Variants in MTR observed in about 807,000 individuals in gnomAD.
MTR encodes methionine synthase.
In MTR, 84 loss-of-function variants were observed where a neutral mutation model predicts 154.8. That is an observed-to-expected ratio of 0.54 (90% confidence interval 0.45 to 0.65). MTR has a LOEUF of 0.65. MTR is among the 30% of genes least tolerant of loss of function. The probability of loss-of-function intolerance (pLI) is 0.00; values close to 1 mark genes in which losing one functional copy is unlikely to be tolerated. For missense variants in MTR, 1,275 were observed against 1,570.2 expected (o/e 0.81, Z 3.18); for synonymous variants, 554 against 553.9 (o/e 1.00, Z 0.00).
chr1:236,874,715 A>AG lies in MTR; in HGVS notation c.2474-11_2474-10insG. ...TTTTTGTCCTTTTTTTTTTAAAAAA[A>AG]AAAAAAATAGATATAATTGGCCTGT... On this transcript the variant is annotated splice_polypyrimidine_tract_variant and intron_variant, in intron 23 of 32. Transcript: ENST00000366577. 6.4e-7 allele frequency: 1 copy of AG among 1,559,046 alleles called. No homozygotes were observed. Among genetic ancestry groups the AG allele is most frequent in the Non-Finnish European group, 8.7e-7 (1 of 1,156,020 alleles).
At chr1:236,835,179 C>T (rs1558297094) in intron 13 of MTR, among the ~76,000 whole-genome samples, 1 of 151,854 alleles carries the variant, frequency 6.6e-6, no homozygotes, top group Non-Finnish European at 1.5e-5. Flanking sequence ...ACGTGATCTG[C>T]AGCACAGAGG....
At chr1:236,797,872 C>T (rs906939731) in intron 1 of MTR, among the ~76,000 whole-genome samples, 11 of 151,162 alleles carry the variant, frequency 7.3e-5, no homozygotes, top group Non-Finnish European at 8.8e-5. Flanking sequence ...GCAGGAGAAT[C>T]GCTTGAACCC....
intron 15 of MTR, among the ~76,000 whole-genome samples, chr1:236,841,168 C>A (rs1663211022): frequency 6.6e-6 from 1 of 152,164 alleles, no homozygotes; most frequent in South Asian, 2.1e-4. Flanking sequence ...TTATTGACTT[C>A]CTACAGTGAT....
chr1:236,889,437 C>T (rs1666197648), intron 28 of MTR, 101 bp downstream of exon 28: 6 of 1,500,798 alleles, frequency 4.0e-6, no homozygotes, highest in Non-Finnish European at 4.6e-6. Flanking sequence ...TTGGATTGTG[C>T]AGATTACGGC....
At chr1:236,808,598 C>G (rs1049962959) in intron 3 of MTR, 106 bp from the exon 4 acceptor site, 2 of 1,109,540 alleles carry the variant, frequency 1.8e-6, no homozygotes, top group Non-Finnish European at 2.7e-6. Flanking sequence ...TTAATTCACT[C>G]TACATTTTGT....
At chr1:236,888,686 C>A (rs199885808) in intron 27 of MTR, among the ~76,000 whole-genome samples, 1 of 152,202 alleles carries the variant, frequency 6.6e-6, no homozygotes, top group African/African-American at 2.4e-5. Context: ...CCCTTCCTCC[C>A]CTGCAGAAAG....
At chr1:236,806,322 A>G in intron 3 of MTR, 89 bp downstream of exon 3, 1 of 1,031,002 alleles carries the variant, frequency 9.7e-7, no homozygotes, top group Non-Finnish European at 1.5e-6. Context: ...TGGAAGCTGC[A>G]GAGTCAAGCT....
intron 25 of MTR, among the ~76,000 whole-genome samples, chr1:236,882,058 T>A (rs1447891490): frequency 1.3e-5 from 2 of 152,228 alleles, no homozygotes; most frequent in Non-Finnish European, 2.9e-5. Flanking sequence ...ATTAACTCAG[T>A]CTGGGATCAT....
In MTR at chr1:236,874,708, T is replaced by TAAA. The variant is rs546254033; in HGVS notation, c.2474-6_2474-4dup. The stretch of plus-strand genomic sequence containing the variant: ...ACTGTCCTTTTTGTCCTTTTTTTTT[T>TAAA]AAAAAAAAAAAAAATAGATATAATT... On this transcript the variant is annotated splice_polypyrimidine_tract_variant and intron_variant, in intron 23 of 32. Transcript: ENST00000366577. 243 of 1,223,156 alleles carry TAAA rather than the reference T, an allele frequency of 2.0e-4. 1 individual carries two copies. Among genetic ancestry groups the TAAA allele is most frequent in the Middle Eastern group, 2.6e-4 (1 of 3,852 alleles). 75.8% of individuals were successfully genotyped at this position (1,223,156 alleles called of 1,614,324 possible). A position where few individuals can be genotyped will look rare whatever the true frequency, so the allele number is the denominator to read the frequency against.
At chr1:236,875,688 G>C (rs1256329487) in intron 24 of MTR, among the ~76,000 whole-genome samples, 3 of 152,062 alleles carry the variant, frequency 2.0e-5, no homozygotes, top group Non-Finnish European at 2.9e-5. Context: ...ATACAATAAA[G>C]GTCTGGTTCC....
intron 15 of MTR, among the ~76,000 whole-genome samples, chr1:236,841,832 A>T (rs1258958327): frequency 6.6e-6 from 1 of 151,960 alleles, no homozygotes; most frequent in Non-Finnish European, 1.5e-5. Flanking sequence ...TTTTGAAAGT[A>T]CTGCTCCATT....
At chr1:236,885,643 C>T (rs565892737) in intron 26 of MTR, among the ~76,000 whole-genome samples, 2 of 152,208 alleles carry the variant, frequency 1.3e-5, no homozygotes, top group Admixed American at 6.5e-5. Flanking sequence ...GCCTGACTGC[C>T]CAACACTGAC....
At chr1:236,867,935 G>A (rs1363235091) in intron 22 of MTR, among the ~76,000 whole-genome samples, 1 of 152,204 alleles carries the variant, frequency 6.6e-6, no homozygotes, top group African/African-American at 2.4e-5. Context: ...AGATGGCTAT[G>A]AACAGTGTTG....
intron 23 of MTR, 119 bp from the exon 24 acceptor site, chr1:236,874,607 T>C (rs754711578): frequency 1.3e-6 from 1 of 755,592 alleles, no homozygotes. Flanking sequence ...TGGGAATTCA[T>C]GTTAGGTCTT....
At chr1:236,893,828 T>C (rs1211172138) in intron 29 of MTR, among the ~76,000 whole-genome samples, 2 of 152,128 alleles carry the variant, frequency 1.3e-5, no homozygotes, top group South Asian at 2.1e-4. Context: ...AGCCGGCTCC[T>C]GTATGACCCT....
chr1:236,823,861 A>G (rs1662129284), intron 8 of MTR, among the ~76,000 whole-genome samples: 1 of 93,714 alleles, frequency 1.1e-5, no homozygotes. Flanking sequence ...TTTCTGTACC[A>G]TAGAATACCA....
rs1018898690 is a variant in MTR at position 236,863,399 on chromosome 1, A to G, written c.2305-55A>G. 1.1e-5 allele frequency: 15 copies of G among 1,393,762 alleles called. No individual in the cohort carries two copies. The Admixed American group carries it at 2.5e-4, about 24-fold the overall frequency. 86.3% of individuals were successfully genotyped at this position (1,393,762 alleles called of 1,614,324 possible). On this transcript the variant is annotated intron_variant, in intron 21 of 32. Coordinates refer to ENST00000366577, the MANE Select transcript of MTR (RefSeq NM_000254.3). ...GGCCCCTGCCTGGCTCTGGAGAACT[A>G]GGTGTTCCACCCTAAACAACCCTGC...
chr1:236,893,730 G>A (rs1026797137), intron 29 of MTR, among the ~76,000 whole-genome samples: 7 of 152,122 alleles, frequency 4.6e-5, no homozygotes, highest in Non-Finnish European at 1.0e-4. Flanking sequence ...AAAAATGGGG[G>A]AGGGTAGGCC....
rs1660804774 is a variant in MTR at position 236,803,498 on chromosome 1, A to G, written c.105A>G (p.Gly35=). 1 of 1,614,054 alleles carries G rather than the reference A, an allele frequency of 6.2e-7. No individual in the cohort carries two copies. Among genetic ancestry groups the G allele is most frequent in the Non-Finnish European group, 8.5e-7 (1 of 1,180,024 alleles). The part of the protein sequence containing the change: ...ILQKRIMVLD[G]GMGTMIQREK... ...AGAAGAGGATTATGGTGCTGGATGGAGGGATGGGGACCATGATCCAGCGGG... is the reference window on the plus strand; with the variant it reads ...AGAAGAGGATTATGGTGCTGGATGGGGGGATGGGGACCATGATCCAGCGGG... The change falls in exon 2 of 33, where the codon GGA becomes GGG. Residue 35 remains glycine (G), a synonymous_variant. Coordinates refer to ENST00000366577, the MANE Select transcript of MTR (RefSeq NM_000254.3).
Sources: allele counts gnomAD v4.1 joint callset (sites outside exome capture counted in the v4.1 genomes callset), GRCh38; gene constraint gnomAD v4.1.1; transcripts MANE v1.5; gene names NCBI Gene and HGNC (gene_info 2026-07-23, HGNC 2026-07-21).